Variants in MRPS9 observed in about 807,000 individuals in gnomAD.
The protein encoded by MRPS9 is small ribosomal subunit protein uS9m.
A neutral mutation model predicts 59.9 loss-of-function variants in MRPS9; 45 were observed. The observed-to-expected ratio is 0.75, with a 90% CI of 0.59 to 0.96. MRPS9 has a LOEUF of 0.96. Among genes scored for constraint, MRPS9 ranks in the 40% least tolerant of loss-of-function variants. The pLI, the probability that MRPS9 is intolerant of heterozygous loss-of-function variation, is 0.00. For synonymous variants in MRPS9, 171 were observed against 166.8 expected (o/e 1.03, Z -0.19); for missense variants, 473 against 481.1 (o/e 0.98, Z 0.16).
At position 105,099,897 on chromosome 2, in the gene MRPS9, T is replaced by G; in HGVS notation, c.*136T>G. 1.7e-6 allele frequency: 1 copy of G among 588,634 alleles called. No homozygotes were observed. 36.5% of individuals were successfully genotyped at this position (588,634 alleles called of 1,614,324 possible). A position where few individuals can be genotyped will look rare whatever the true frequency, so the allele number is the denominator to read the frequency against. ...TTTGAGCTGTGAGATGGATTTATTTTTAAATGCTACTTTGTAAAGGTGACC... is the reference window on the plus strand; with the variant it reads ...TTTGAGCTGTGAGATGGATTTATTTGTAAATGCTACTTTGTAAAGGTGACC... On this transcript the variant is annotated 3_prime_UTR_variant, in exon 11 of 11. Coordinates refer to ENST00000258455, the MANE Select transcript of MRPS9 (RefSeq NM_182640.3).
chr2:105,048,816 T>C (rs1014565458), intron 1 of MRPS9, among the ~76,000 whole-genome samples: 1 of 151,942 alleles, frequency 6.6e-6, no homozygotes, highest in Non-Finnish European at 1.5e-5. Context: ...GGGAGTAGCC[T>C]TTTGCTCTTT....
Position 105,075,606 on chromosome 2 carries a change from A to G in MRPS9, c.409+4117A>G, listed in dbSNP as rs140817304. Among the ~76,000 whole-genome samples the G allele has an allele frequency of 1.4e-4, 22 of 152,282 alleles. 1 individual carries two copies. In the East Asian group the frequency reaches 4.3e-3, roughly 29 times the overall value. On this transcript the variant is annotated intron_variant, in intron 4 of 10. Transcript: ENST00000258455. The stretch of plus-strand genomic sequence containing the variant: ...ACACAATTATCAAATCTGGACATAA[A>G]TTTCATGAAAAAGAAAGCTATAGTC...
intron 1 of MRPS9, among the ~76,000 whole-genome samples, chr2:105,043,423 T>TA (rs997480010): frequency 2.6e-5 from 4 of 152,158 alleles, no homozygotes; most frequent in Admixed American, 2.0e-4. Flanking sequence ...TAGTCCCGAA[T>TA]AATCTGGGGC....
intron 2 of MRPS9, among the ~76,000 whole-genome samples, chr2:105,062,719 T>C (rs888332217): frequency 7.9e-5 from 12 of 152,200 alleles, no homozygotes; most frequent in African/African-American, 2.9e-4. Flanking sequence ...GTAAATAAAA[T>C]GGAATTGATA....
At chr2:105,078,263 A>G (rs1273914069) in intron 4 of MRPS9, among the ~76,000 whole-genome samples, 1 of 151,738 alleles carries the variant, frequency 6.6e-6, no homozygotes, top group Non-Finnish European at 1.5e-5. Context: ...GATATATAAA[A>G]TACATGATGA....
At chr2:105,093,186 A>C (rs1333253553) in intron 8 of MRPS9, among the ~76,000 whole-genome samples, 1 of 152,188 alleles carries the variant, frequency 6.6e-6, no homozygotes, top group African/African-American at 2.4e-5. Context: ...TGTTAGATAT[A>C]TTCTTACTGT....
At chr2:105,071,180 T>A (rs1680104301) in intron 2 of MRPS9, 133 bp from the exon 3 acceptor site, 1 of 663,042 alleles carries the variant, frequency 1.5e-6, no homozygotes, top group African/African-American at 1.8e-5. Context: ...ATCATCCCAT[T>A]GAAACATTTA....
intron 1 of MRPS9, 49 bp from the exon 2 acceptor site, chr2:105,049,122 A>T: frequency 8.0e-7 from 1 of 1,250,462 alleles, no homozygotes. Context: ...GGCCTAGAAG[A>T]TCACAGTTTA....
In MRPS9 at chr2:105,080,911, GAAA is replaced by G. The variant is rs561755308; in HGVS notation, c.489+858_489+860del. Among the ~76,000 whole-genome samples the G allele has an allele frequency of 5.9e-3, 826 of 139,732 alleles. 4 individuals carry two copies. The highest frequency in any genetic ancestry group is 0.011 in the Non-Finnish European group (665 of 62,920). The allele number at this position is 139,732 out of a possible 152,430, so 91.7% of individuals were successfully genotyped here. A position where few individuals can be genotyped will look rare whatever the true frequency, so the allele number is the denominator to read the frequency against. On this transcript the variant is annotated intron_variant, in intron 5 of 10. Coordinates refer to ENST00000258455, the MANE Select transcript of MRPS9 (RefSeq NM_182640.3). ...TGTCAGGTACATTTATTTCTTGGGG[GAAA>G]AAAAAAAACAACCTTCTTTTCGCTT... is the stretch of plus-strand genomic sequence containing the variant.
chr2:105,086,206 A>G (rs1284353499), intron 5 of MRPS9, among the ~76,000 whole-genome samples: 1 of 152,224 alleles, frequency 6.6e-6, no homozygotes, highest in East Asian at 1.9e-4. Context: ...CTATTTAAAG[A>G]AGTGTATGGA....
In MRPS9 at chr2:105,099,713, G is replaced by T; in HGVS notation, c.1143G>T (p.Lys381Asn). 1 of 1,614,162 alleles carries T rather than the reference G, an allele frequency of 6.2e-7. No individual in the cohort carries two copies. The highest frequency in any genetic ancestry group is 8.5e-7 in the Non-Finnish European group (1 of 1,180,040). ...ATCCACGTGTGAGGGAACGGAAGAAGCCAGGCCAAGAGGGAGCCCGCAGAA... is the reference window on the plus strand; with the variant it reads ...ATCCACGTGTGAGGGAACGGAAGAATCCAGGCCAAGAGGGAGCCCGCAGAA... ...TTDPRVRERK[K>N]PGQEGARRKF... The change falls in exon 11 of 11, where the codon AAG (lysine) becomes AAT (asparagine). Residue 381 changes from lysine to asparagine, a missense_variant. By Grantham distance (94) the Lys-to-Asn change is moderately conservative. Transcript: ENST00000258455.
intron 2 of MRPS9, among the ~76,000 whole-genome samples, chr2:105,051,031 T>C (rs180936870): frequency 3.9e-4 from 60 of 152,346 alleles, no homozygotes; most frequent in African/African-American, 1.3e-3. Flanking sequence ...TTCTGATGAA[T>C]AATACTGCTA....
chr2:105,069,158 ACTTAT>A (rs1407875765), intron 2 of MRPS9, among the ~76,000 whole-genome samples: 1 of 150,688 alleles, frequency 6.6e-6, no homozygotes, highest in Non-Finnish European at 1.5e-5. Flanking sequence ...TTTTAATTGC[ACTTAT>A]CTTATTATGA....
intron 1 of MRPS9, among the ~76,000 whole-genome samples, chr2:105,044,835 C>A (rs185922761): frequency 2.0e-5 from 3 of 152,228 alleles, no homozygotes; most frequent in African/African-American, 7.2e-5. Flanking sequence ...ATTTACCTAA[C>A]AAAATGGAAG....
intron 5 of MRPS9, among the ~76,000 whole-genome samples, chr2:105,085,580 G>T (rs1415240189): frequency 1.3e-5 from 2 of 152,104 alleles, no homozygotes; most frequent in East Asian, 3.9e-4. Context: ...TCTCAGAAGG[G>T]TTTAGTTTAA....
chr2:105,090,711 T>G (rs1422274612), intron 7 of MRPS9, among the ~76,000 whole-genome samples: 4 of 152,242 alleles, frequency 2.6e-5, no homozygotes, highest in Admixed American at 2.6e-4. Flanking sequence ...TTAAACATTT[T>G]GATGTTCCAA....
intron 1 of MRPS9, among the ~76,000 whole-genome samples, chr2:105,047,527 C>T (rs1679615618): frequency 6.6e-6 from 1 of 151,754 alleles, no homozygotes; most frequent in South Asian, 2.1e-4. Flanking sequence ...TGATGTCTGT[C>T]TGAGAGAGAT....
chr2:105,063,355 C>A (rs142974424), intron 2 of MRPS9, among the ~76,000 whole-genome samples: 3 of 152,170 alleles, frequency 2.0e-5, no homozygotes, highest in African/African-American at 7.2e-5. Context: ...TGTGTATATA[C>A]ATATGTATTT....
At chr2:105,097,353 G>A (rs1405061952) in intron 10 of MRPS9, 29 bp downstream of exon 10, 2 of 1,539,378 alleles carry the variant, frequency 1.3e-6, no homozygotes, top group African/African-American at 2.8e-5. Flanking sequence ...CGGGCATGGT[G>A]GCCCAATACT....
Sources: allele counts gnomAD v4.1 joint callset (sites outside exome capture counted in the v4.1 genomes callset), GRCh38; gene constraint gnomAD v4.1.1; transcripts MANE v1.5; gene names NCBI Gene and HGNC (gene_info 2026-07-23, HGNC 2026-07-21).